The following CALCOCO1 variants were observed in gnomAD, a reference collection of about 807,000 sequenced individuals.
CALCOCO1 encodes calcium-binding and coiled-coil domain-containing protein 1.
In CALCOCO1, 44 loss-of-function variants were observed where a neutral mutation model predicts 86.3. That is an observed-to-expected ratio of 0.51 (90% CI 0.40 to 0.66). The LOEUF (loss-of-function observed/expected upper bound fraction) is 0.66. CALCOCO1 is among the 30% of genes least tolerant of loss of function. The probability of loss-of-function intolerance (pLI) is 0.00; values close to 1 mark genes in which losing one functional copy is unlikely to be tolerated. For missense variants in CALCOCO1, 708 were observed against 851.1 expected, an observed-to-expected ratio of 0.83 and a Z score of 2.09; for synonymous variants, 297 against 327.6, an observed-to-expected ratio of 0.91 and a Z score of 1.01.
Position 53,723,638 on chromosome 12 carries a change from C to A in CALCOCO1, c.405G>T (p.Gly135=). The A allele has an allele frequency of 3.1e-6, 5 of 1,614,202 alleles. No homozygotes were observed. The highest frequency in any genetic ancestry group is 4.2e-6 in the Non-Finnish European group (5 of 1,180,040). The change falls in exon 4 of 15, where the codon GGG becomes GGT. Residue 135 remains glycine, a synonymous_variant. Coordinates refer to ENST00000550804, the MANE Select transcript of CALCOCO1 (RefSeq NM_020898.3). ...DELVTLEEAD[G]GSDILLVVPK... is the part of the protein sequence containing the mutation. ...GGACAACCAGCAGGATGTCAGAGCC[C>A]CCATCAGCCTCCTCCAGGGTCACCA...
At chr12:53,717,901 T>C (rs111983231) in intron 7 of CALCOCO1, among the ~76,000 whole-genome samples, 5 of 152,158 alleles carry the variant, frequency 3.3e-5, no homozygotes, top group Non-Finnish European at 7.3e-5. Context: ...GGCGGGTGCC[T>C]GTAATCCCAG....
intron 9 of CALCOCO1, 81 bp from the exon 10 acceptor site, chr12:53,715,406 C>T: frequency 1.3e-6 from 2 of 1,548,678 alleles, no homozygotes; most frequent in African/African-American, 1.4e-5. Context: ...CCATCCCTTA[C>T]TGTGTCCTTT....
chr12:53,716,490 A>C, intron 7 of CALCOCO1, 75 bp from the exon 8 acceptor site: 1 of 1,485,740 alleles, frequency 6.7e-7, no homozygotes, highest in East Asian at 2.3e-5. Flanking sequence ...CATTGTGATG[A>C]GAGAGGTCAA....
Position 53,714,248 on chromosome 12 carries a change from T to A in CALCOCO1, c.1483-7A>T. ...TCATGTACTCTAGCAATTCCTGGAA[T>A]TGGGAAGGAAAAAGGCAGGTGCTAG... On this transcript the variant is annotated splice_polypyrimidine_tract_variant and splice_region_variant and intron_variant, in intron 11 of 14. Transcript: ENST00000550804. 1 of 1,608,152 alleles carries A rather than the reference T, an allele frequency of 6.2e-7. No homozygotes were observed. The highest frequency in any genetic ancestry group is 8.5e-7 in the Non-Finnish European group (1 of 1,175,504).
chr12:53,714,780 C>G, intron 10 of CALCOCO1, 87 bp from the exon 11 acceptor site: 5 of 873,652 alleles, frequency 5.7e-6, no homozygotes, highest in Non-Finnish European at 9.3e-6. Context: ...CAATCTAGAA[C>G]CAGGTCTCCC....
rs1945715366 is a variant in CALCOCO1 at position 53,715,983 on chromosome 12, T to G, written c.1070A>C (p.Gln357Pro). The G allele has an allele frequency of 6.2e-7, 1 of 1,614,120 alleles. No individual in the cohort carries two copies. Among genetic ancestry groups the G allele is most frequent in the Non-Finnish European group, 8.5e-7 (1 of 1,180,040 alleles). ...GAQELAASSQQKATLLGEELA... is the reference protein window; with the variant it reads ...GAQELAASSQPKATLLGEELA... ...CTCCTCCCCAAGAAGGGTGGCTTTCTGCTGGCTTGAGGCTGCAAGCTCCTG... is the reference window on the plus strand; with the variant it reads ...CTCCTCCCCAAGAAGGGTGGCTTTCGGCTGGCTTGAGGCTGCAAGCTCCTG... The change falls in exon 9 of 15, where the codon CAG (glutamine) becomes CCG (proline). Residue 357 changes from glutamine to proline, a missense_variant. Gln to Pro is a moderately conservative substitution (Grantham distance 76, BLOSUM62 -1). Coordinates refer to ENST00000550804, the MANE Select transcript of CALCOCO1 (RefSeq NM_020898.3).
At chr12:53,715,590 G>A (rs1945703157) in intron 9 of CALCOCO1, 1 of 766,194 alleles carries the variant, frequency 1.3e-6, no homozygotes, top group Non-Finnish European at 2.1e-6. Flanking sequence ...AGGTACTCTG[G>A]TGATCAGGAT....
At chr12:53,719,039 G>A (rs1945801822) in intron 7 of CALCOCO1, among the ~76,000 whole-genome samples, 2 of 151,290 alleles carry the variant, frequency 1.3e-5, no homozygotes, top group Non-Finnish European at 1.5e-5. Context: ...GTAGAGATGG[G>A]GTTTCACCAT....
In CALCOCO1 at chr12:53,709,278, T is replaced by C. The variant is rs892535115; in HGVS notation, c.*2666A>G. 1 of 152,176 alleles carries C rather than the reference T, an allele frequency of 6.6e-6. No individual in the cohort carries two copies. The highest frequency in any genetic ancestry group is 6.5e-5 in the Admixed American group (1 of 15,270). The allele number at this position is 152,176 out of a possible 1,614,324, so 9.4% of individuals were successfully genotyped here. The stretch of plus-strand genomic sequence containing the variant: ...AGTGAGTAGGAAAGAGAACTAGAAT[T>C]GGAAGCTGGCTGCCCCTGGGTTTCC... On this transcript the variant is annotated 3_prime_UTR_variant, in exon 15 of 15. Transcript: ENST00000550804.
chr12:53,720,079 C>T (rs188254563), intron 6 of CALCOCO1, among the ~76,000 whole-genome samples: 11 of 152,318 alleles, frequency 7.2e-5, no homozygotes, highest in Admixed American at 5.9e-4. Context: ...GAATGTTTTG[C>T]TGATGGCTCC....
intron 3 of CALCOCO1, 49 bp from the exon 4 acceptor site, chr12:53,723,832 GC>G: frequency 6.5e-7 from 1 of 1,544,934 alleles, no homozygotes; most frequent in Non-Finnish European, 8.9e-7. Context: ...ACTGTCCTTG[GC>G]CCCAGCCCCT....
chr12:53,713,834 C>A lies in CALCOCO1; in HGVS notation c.1658G>T (p.Gly553Val). Residue 553 changes from glycine to valine, a missense_variant, in exon 13 of 15, where the codon GGC (glycine) becomes GTC (valine). Gly to Val is a moderately radical substitution (Grantham distance 109). Coordinates refer to ENST00000550804, the MANE Select transcript of CALCOCO1 (RefSeq NM_020898.3). ...GCCTGGGTCTCCACGCTCACAAAGG[C>A]CATAGGGTGGGAGCCTCATGTCTTC... ...SPEDMRLPPY[G>V]LCERGDPGSS... 1 of 1,554,522 alleles carries A rather than the reference C, an allele frequency of 6.4e-7. No homozygotes were observed. The highest frequency in any genetic ancestry group is 1.4e-5 in the African/African-American group (1 of 72,788).
chr12:53,712,678 G>C, intron 14 of CALCOCO1: 1 of 611,850 alleles, frequency 1.6e-6, no homozygotes, highest in Non-Finnish European at 2.4e-6. Context: ...CATTTCAGTT[G>C]TAGCCAGATG....
rs894668316 is a variant in CALCOCO1, at chr12:53,713,996, C to T, written c.1592-96G>A. On this transcript the variant is annotated intron_variant, in intron 12 of 14. Coordinates refer to ENST00000550804, the MANE Select transcript of CALCOCO1 (RefSeq NM_020898.3). ...GGATGAGGGGTATCATTAGACTAAACAGGGGCCAGGGTCTGGGAAAGAAAA... is the reference window on the plus strand; with the variant it reads ...GGATGAGGGGTATCATTAGACTAAATAGGGGCCAGGGTCTGGGAAAGAAAA... 5 of 1,317,250 alleles carry T rather than the reference C, an allele frequency of 3.8e-6. No homozygotes were observed. In the African/African-American group the frequency reaches 7.3e-5, roughly 19 times the overall value. 81.6% of individuals were successfully genotyped at this position (1,317,250 alleles called of 1,614,324 possible). A position where few individuals can be genotyped will look rare whatever the true frequency, so the allele number is the denominator to read the frequency against.
At chr12:53,722,284 C>T in intron 4 of CALCOCO1, 101 bp from the exon 5 acceptor site, 1 of 1,375,090 alleles carries the variant, frequency 7.3e-7, no homozygotes, top group Non-Finnish European at 1.0e-6. Flanking sequence ...TGGGAAGTTA[C>T]ATAGCTTTGG....
At chr12:53,717,640 C>T (rs11170658) in intron 7 of CALCOCO1, among the ~76,000 whole-genome samples, 22,331 of 152,154 alleles carry the variant, frequency 0.15, 1,826 homozygotes, top group South Asian at 0.22. Context: ...TCCACATAAA[C>T]CCAGGGTACT....
chr12:53,724,778 G>T lies in CALCOCO1; in HGVS notation c.157-31C>A, dbSNP rs199613184. On this transcript the variant is annotated intron_variant, in intron 2 of 14. Transcript: ENST00000550804. ...AAAGCCCAAGGTTGGAGAAAGGTAT[G>T]GTCATGGAACTACCTTCTATGGATG... The T allele has an allele frequency of 1.2e-4, 190 of 1,549,906 alleles. 1 individual carries two copies. In the East Asian group the frequency reaches 4.3e-3, roughly 35 times the overall value.
At chr12:53,724,889 A>G in intron 2 of CALCOCO1, 142 bp from the exon 3 acceptor site, 1 of 825,870 alleles carries the variant, frequency 1.2e-6, no homozygotes, top group Non-Finnish European at 1.9e-6. Context: ...GTGGAGGGAC[A>G]CTAATGTGTC....
At chr12:53,722,943 C>CAAAAAAAAAAAAAAAA (rs58897806) in intron 4 of CALCOCO1, 161 of 194,350 alleles carry the variant, frequency 8.3e-4, no homozygotes, top group East Asian at 2.2e-3. Flanking sequence ...AAGGCTGTCT[C>CAAAAAAAAAAAAAAAA]AAAAAAAAAA....
Sources: gnomAD v4.1 joint callset for allele counts (sites outside exome capture counted in the v4.1 genomes callset) on GRCh38, gnomAD v4.1.1 for gene constraint, MANE v1.5 for transcripts, NCBI Gene and HGNC (gene_info 2026-07-23, HGNC 2026-07-21) for gene names.